The following UAP1L1 variants were observed in gnomAD, a reference collection of about 807,000 sequenced individuals.
UAP1L1 encodes the protein UDP-N-acetylglucosamine pyrophosphorylase 1 like 1, also known as UDP-N-acetylhexosamine pyrophosphorylase-like protein 1.
A neutral mutation model predicts 45.3 loss-of-function variants in UAP1L1; 45 were observed. That is an observed-to-expected ratio of 0.99 (90% CI 0.78 to 1.27). The LOEUF is 1.27. UAP1L1 is among the 50% of genes most tolerant of loss of function. UAP1L1 has a pLI of 0.00. For synonymous variants in UAP1L1, 323 were observed against 303.9 expected, an observed-to-expected ratio of 1.06 and a Z score of -0.65; for missense variants, 667 against 694.0, an observed-to-expected ratio of 0.96 and a Z score of 0.44.
chr9:137,079,168 G>T lies in UAP1L1; in HGVS notation c.843+20G>T. 6.2e-7 allele frequency: 1 copy of T among 1,600,200 alleles called. No homozygotes were observed. The highest frequency in any genetic ancestry group is 8.5e-7 in the Non-Finnish European group (1 of 1,175,518). On this transcript the variant is annotated intron_variant, in intron 4 of 8. Transcript: ENST00000409858. ...GCCAAGGTTAGCGCCCGACTGCGCG[G>T]CGCCCCGCACCCGAGGCTGGCCCCG...
intron 5 of UAP1L1, 37 bp from the exon 6 acceptor site, chr9:137,079,965 C>G (rs1400936302): frequency 1.4e-5 from 22 of 1,610,242 alleles, no homozygotes; most frequent in Non-Finnish European, 1.9e-5. Flanking sequence ...CATATCTGAT[C>G]TGTTTCTTTC....
In UAP1L1 at chr9:137,078,368, C is replaced by G. The variant is rs746147337; in HGVS notation, c.494+114C>G. On this transcript the variant is annotated intron_variant, in intron 2 of 8. Coordinates refer to ENST00000409858, the MANE Select transcript of UAP1L1 (RefSeq NM_207309.3). ...CACAGACCGGGACATTGCCCAGAAC[C>G]GGCCCAAAATGGGGCCTGGCCCCAG... The G allele has an allele frequency of 2.1e-5, 33 of 1,568,596 alleles. 1 individual carries two copies. The highest frequency in any genetic ancestry group is 2.7e-5 in the Non-Finnish European group (31 of 1,155,576).
In UAP1L1 at chr9:137,082,040, G is replaced by C; in HGVS notation, c.1407G>C (p.Ser469=). 6.2e-7 allele frequency: 1 copy of C among 1,614,048 alleles called. No homozygotes were observed. The highest frequency in any genetic ancestry group is 1.7e-5 in the Admixed American group (1 of 60,012). ...ACCCTCCGGCCATCTGTGAGATATC[G>C]CCCTTGGTGTCTTACTCTGGAGAGG... is the stretch of plus-strand genomic sequence containing the variant. ...NGDPPAICEI[S]PLVSYSGEGL... Residue 469 remains serine (S), a synonymous_variant, in exon 8 of 9, where the codon TCG becomes TCC. Coordinates refer to ENST00000409858, the MANE Select transcript of UAP1L1 (RefSeq NM_207309.3). The surrounding 1 kb of genome is among the most constrained non-coding windows in gnomAD (Gnocchi z 5.7).
intron 6 of UAP1L1, chr9:137,080,393 C>T: frequency 1.7e-6 from 1 of 593,962 alleles, no homozygotes; most frequent in Admixed American, 3.2e-5. Flanking sequence ...CCACTGCCCC[C>T]ACCCATGGTT....
rs1210238343 is a variant in UAP1L1 at position 137,077,692 on chromosome 9, GC to G, written c.161del (p.Ala54GlyfsTer50). 6 of 1,142,934 alleles carry G rather than the reference GC, an allele frequency of 5.2e-6. No individual in the cohort carries two copies. Among genetic ancestry groups the G allele is most frequent in the Non-Finnish European group, 5.4e-6 (5 of 931,838 alleles). The allele number at this position is 1,142,934 out of a possible 1,614,324, so 70.8% of individuals were successfully genotyped here. A position where few individuals can be genotyped will look rare whatever the true frequency, so the allele number is the denominator to read the frequency against. Reference sequence around the variant, plus strand: ...GCTGCGCGAGCACTGCCGGCGGGCGGCGGAGGCCTGCGCGCGCCCCCACGGC... The same window carrying G: ...GCTGCGCGAGCACTGCCGGCGGGCGGGGAGGCCTGCGCGCGCCCCCACGGC... ...EALREHCRRA[A>X]EACARPHGPP... is the part of the protein sequence containing the mutation. On this transcript the variant is annotated frameshift_variant, in exon 1 of 9. Transcript: ENST00000409858. LOFTEE classifies it high-confidence loss of function. This position sits in a 1 kb window ranked among gnomAD's most constrained non-coding sequence, Gnocchi z 4.7.
intron 5 of UAP1L1, 179 bp from the exon 6 acceptor site, chr9:137,079,823 G>A (rs1000508761): frequency 1.4e-6 from 1 of 709,766 alleles, no homozygotes; most frequent in Non-Finnish European, 2.3e-6. Flanking sequence ...GATGCAGGGA[G>A]GAGGCCTGTG....
In UAP1L1 at chr9:137,079,696, C is replaced by T. The variant is rs1423795029; in HGVS notation, c.1037+247C>T. The T allele has an allele frequency of 5.1e-6, 3 of 585,454 alleles. No homozygotes were observed. The African/African-American group carries it at 5.6e-5, about 11-fold the overall frequency. 36.3% of individuals were successfully genotyped at this position (585,454 alleles called of 1,614,324 possible). On this transcript the variant is annotated intron_variant, in intron 5 of 8. Coordinates refer to ENST00000409858, the MANE Select transcript of UAP1L1 (RefSeq NM_207309.3). ...TGTAAGGCTCTGTGATCAAGTCTGC[C>T]ATCTCCTCCTTCTGGGGACCTGCCC...
At position 137,080,995 on chromosome 9, in the gene UAP1L1, A is replaced by G. The variant is rs1395580995; in HGVS notation, c.1364+121A>G. The G allele has an allele frequency of 5.7e-6, 6 of 1,044,454 alleles. No individual in the cohort carries two copies. In the Admixed American group the frequency reaches 1.8e-4, roughly 32 times the overall value. The allele number at this position is 1,044,454 out of a possible 1,614,324, so 64.7% of individuals were successfully genotyped here. A position where few individuals can be genotyped will look rare whatever the true frequency, so the allele number is the denominator to read the frequency against. ...CTGGGGAGGGGTCTTCCTTCCCGGC[A>G]CCACCGCAGGTGCAGGTAGCCTTGT... On this transcript the variant is annotated intron_variant, in intron 7 of 8. Transcript: ENST00000409858.
chr9:137,077,526 C>T lies in UAP1L1; in HGVS notation c.-7C>T, dbSNP rs1363879661. On this transcript the variant is annotated 5_prime_UTR_variant, in exon 1 of 9. Coordinates refer to ENST00000409858, the MANE Select transcript of UAP1L1 (RefSeq NM_207309.3). This position sits in a 1 kb window ranked among gnomAD's most constrained non-coding sequence, Gnocchi z 4.7. Reference sequence around the variant, plus strand: ...CGAGTGCCGACTTGACAGACGGCAGCGGCGACATGGCTTCGGAGCAGGACG... The same window carrying T: ...CGAGTGCCGACTTGACAGACGGCAGTGGCGACATGGCTTCGGAGCAGGACG... 4.4e-6 allele frequency: 6 copies of T among 1,358,584 alleles called. No individual in the cohort carries two copies. The highest frequency in any genetic ancestry group is 2.9e-5 in the Admixed American group (1 of 34,036). The allele number at this position is 1,358,584 out of a possible 1,614,324, so 84.2% of individuals were successfully genotyped here. A position where few individuals can be genotyped will look rare whatever the true frequency, so the allele number is the denominator to read the frequency against.
chr9:137,079,200 A>T (rs7390711), intron 4 of UAP1L1, 52 bp downstream of exon 4: 2 of 1,588,254 alleles, frequency 1.3e-6, no homozygotes, highest in Non-Finnish European at 1.7e-6. Context: ...CCCGCCCCTC[A>T]CGGAGCCCCG....
At position 137,079,456 on chromosome 9, in the gene UAP1L1, G is replaced by C. The variant is rs749689362; in HGVS notation, c.1037+7G>C. 34 of 1,574,154 alleles carry C rather than the reference G, an allele frequency of 2.2e-5. No individual in the cohort carries two copies. Among genetic ancestry groups the C allele is most frequent in the Non-Finnish European group, 2.9e-5 (33 of 1,154,732 alleles). ...TCCTTAAGGCGGTCACCAGGTGTGC[G>C]GCAGCAGGTGGCTGCGGATTGCCGG... On this transcript the variant is annotated splice_region_variant and intron_variant, in intron 5 of 8. Transcript: ENST00000409858.
chr9:137,080,269 G>A (rs1588572524), intron 6 of UAP1L1, 127 bp downstream of exon 6: 1 of 1,224,870 alleles, frequency 8.2e-7, no homozygotes, highest in Non-Finnish European at 1.2e-6. Context: ...AAGTCTCAGG[G>A]AGAAGACCAG....
chr9:137,081,331 A>G (rs1296306540), intron 7 of UAP1L1, among the ~76,000 whole-genome samples: 1 of 150,792 alleles, frequency 6.6e-6, no homozygotes, highest in Non-Finnish European at 1.5e-5. Flanking sequence ...CCTCCTGAGT[A>G]GCTGGGACTA....
At chr9:137,079,509 C>T (rs1797317508) in intron 5 of UAP1L1, 60 bp downstream of exon 5, 2 of 1,506,736 alleles carry the variant, frequency 1.3e-6, no homozygotes, top group African/African-American at 2.8e-5. Flanking sequence ...GACCAGGGAC[C>T]CGCGGGGTCC....
At chr9:137,081,614 G>A (rs1269071456) in intron 7 of UAP1L1, among the ~76,000 whole-genome samples, 1 of 152,070 alleles carries the variant, frequency 6.6e-6, no homozygotes, top group Non-Finnish European at 1.5e-5. Context: ...CCCAACCAAC[G>A]TTGTTCCCAT....
intron 2 of UAP1L1, 65 bp from the exon 3 acceptor site, chr9:137,078,437 T>C: frequency 6.2e-7 from 1 of 1,608,898 alleles, no homozygotes. Context: ...CCGGCTCTGG[T>C]CCGAGCCCCG....
intron 3 of UAP1L1, 89 bp downstream of exon 3, chr9:137,078,766 C>T: frequency 1.4e-6 from 2 of 1,461,686 alleles, no homozygotes; most frequent in Non-Finnish European, 9.2e-7. Flanking sequence ...TCGCGGCTGC[C>T]CCGAGGCTGT....
Position 137,077,574 on chromosome 9 carries a change from T to C in UAP1L1, c.42T>C (p.Ala14=), listed in dbSNP as rs1832710515. Residue 14 remains alanine, a synonymous_variant, in exon 1 of 9, where the codon GCT becomes GCC. Transcript: ENST00000409858. The surrounding 1 kb of genome is among the most constrained non-coding windows in gnomAD (Gnocchi z 4.7). ...EQDVRARLQR[A]GQEHLLRFWA... ...ACGTGCGCGCCCGGCTGCAGCGCGC[T>C]GGCCAGGAGCACCTCCTGCGCTTCT... 2 of 1,392,626 alleles carry C rather than the reference T, an allele frequency of 1.4e-6. No homozygotes were observed. The allele number at this position is 1,392,626 out of a possible 1,614,324, so 86.3% of individuals were successfully genotyped here.
chr9:137,077,999 C>T lies in UAP1L1; in HGVS notation c.290-51C>T. ...GCCCCAGAGTTGGTTTCCCCTAAAG[C>T]GGAAGGGTGGGCGGGTCCCGGGCGT... On this transcript the variant is annotated intron_variant, in intron 1 of 8. Transcript: ENST00000409858. This position sits in a 1 kb window ranked among gnomAD's most constrained non-coding sequence, Gnocchi z 4.7. 6.5e-7 allele frequency: 1 copy of T among 1,539,702 alleles called. No individual in the cohort carries two copies. The highest frequency in any genetic ancestry group is 8.7e-7 in the Non-Finnish European group (1 of 1,146,626).
Sources: allele counts gnomAD v4.1 joint callset (sites outside exome capture counted in the v4.1 genomes callset), GRCh38; gene constraint gnomAD v4.1.1; non-coding constraint Gnocchi (gnomAD v3.1); transcripts MANE v1.5; gene names NCBI Gene and HGNC (gene_info 2026-07-23, HGNC 2026-07-21).